The following RAPGEF2 variants were observed in gnomAD, a reference collection of about 807,000 sequenced individuals.
RAPGEF2 encodes Rap guanine nucleotide exchange factor 2, also known as PDZ domain containing guanine nucleotide exchange factor (GEF) 1.
A neutral mutation model predicts 186.7 loss-of-function variants in RAPGEF2; 54 were observed. The ratio of observed to expected loss-of-function variants is 0.29; its 90% CI spans 0.23 to 0.36. RAPGEF2 has a LOEUF of 0.36. RAPGEF2 is among the 10% of genes least tolerant of loss of function. The pLI, the probability that RAPGEF2 is intolerant of heterozygous loss-of-function variation, is 1.00. For synonymous variants in RAPGEF2, 712 were observed against 705.9 expected, an observed-to-expected ratio of 1.01 and a Z score of -0.14; for missense variants, 1,532 against 2,045.0, an observed-to-expected ratio of 0.75 and a Z score of 4.84.
chr4:159,268,138 A>G, intron 7 of RAPGEF2: 1 of 1,613,156 alleles, frequency 6.2e-7, no homozygotes, highest in Non-Finnish European at 8.5e-7. Flanking sequence ...AATTCAGTTC[A>G]GCATATGTTT....
Position 159,341,847 on chromosome 4 carries a change from A to G in RAPGEF2, c.2818A>G (p.Thr940Ala), listed in dbSNP as rs976661003. 1 of 1,613,862 alleles carries G rather than the reference A, an allele frequency of 6.2e-7. No individual in the cohort carries two copies. Among genetic ancestry groups the G allele is most frequent in the East Asian group, 2.2e-5 (1 of 44,840 alleles). Residue 940 changes from threonine (T) to alanine (A), a missense_variant, in exon 20 of 30, where the codon ACA becomes GCA. Physicochemically the swap from Thr to Ala is moderately conservative, Grantham distance 58 (BLOSUM62 0). Transcript: ENST00000691494. ...FWVASEILRE[T>A]NQLKRMKIIK... ...GGTAGCATCTGAAATTCTCAGAGAA[A>G]CAAACCAGCTGAAGAGGATGAAGAT...
In RAPGEF2 at chr4:159,171,465, A is replaced by G. The variant is rs996962014; in HGVS notation, c.70-15177A>G. 2.6e-5 allele frequency among the ~76,000 whole-genome samples: 4 copies of G among 152,162 alleles called. No individual in the cohort carries two copies. The South Asian group carries it at 6.2e-4, about 24-fold the overall frequency. On this transcript the variant is annotated intron_variant, in intron 1 of 29. Coordinates refer to ENST00000691494, the MANE Select transcript of RAPGEF2 (RefSeq NM_001394067.2). ...TGCCAAGCTGGTAAATGGCAGTCAG[A>G]TACTGAACTCAGTCAGTGTTGCTCA...
rs76809001 is a variant in RAPGEF2, at chr4:159,175,681, G to A, written c.70-10961G>A. On this transcript the variant is annotated intron_variant, in intron 1 of 29. Transcript: ENST00000691494. ...ACTTGCGAGACCGGCGACTGCTTTT[G>A]GGTTCTAGGAAGGACGGTTGGTCCA... is the stretch of plus-strand genomic sequence containing the variant. 2.0e-4 allele frequency among the ~76,000 whole-genome samples: 31 copies of A among 152,228 alleles called. No individual in the cohort carries two copies. The East Asian group carries it at 5.6e-3, about 27-fold the overall frequency.
chr4:159,307,018 GA>G (rs1763382084), intron 8 of RAPGEF2, among the ~76,000 whole-genome samples: 3 of 152,266 alleles, frequency 2.0e-5, no homozygotes, highest in Admixed American at 2.0e-4. Flanking sequence ...TTTAGGAAAA[GA>G]GACTGAAATA....
At chr4:159,247,755 C>CTTTTTTT (rs56053207) in intron 7 of RAPGEF2, among the ~76,000 whole-genome samples, 9 of 83,472 alleles carry the variant, frequency 1.1e-4, no homozygotes, top group African/African-American at 4.3e-4. Flanking sequence ...TAATTTGTTT[C>CTTTTTTT]TTTTTTTTTT....
At chr4:159,351,303 T>A in intron 26 of RAPGEF2, 1 of 491,148 alleles carries the variant, frequency 2.0e-6, no homozygotes, top group Non-Finnish European at 2.8e-6. Flanking sequence ...TTTCTGAAAC[T>A]TTTTTTTTTT....
chr4:159,197,873 C>T (rs1748821704), intron 3 of RAPGEF2, among the ~76,000 whole-genome samples: 1 of 152,206 alleles, frequency 6.6e-6, no homozygotes, highest in Non-Finnish European at 1.5e-5. Flanking sequence ...GCATTTACCT[C>T]TTGTCCCACT....
chr4:159,247,414 A>G (rs1754768594), intron 7 of RAPGEF2, among the ~76,000 whole-genome samples: 1 of 152,240 alleles, frequency 6.6e-6, no homozygotes, highest in Non-Finnish European at 1.5e-5. Flanking sequence ...GGCTCAAAGA[A>G]AGATATTTTG....
chr4:159,339,784 C>T (rs985557845), intron 19 of RAPGEF2, among the ~76,000 whole-genome samples: 22 of 152,084 alleles, frequency 1.4e-4, no homozygotes, highest in African/African-American at 4.6e-4. Flanking sequence ...TCCTGCATAC[C>T]CAACTTTTCT....
intron 7 of RAPGEF2, among the ~76,000 whole-genome samples, chr4:159,261,276 A>C (rs1056448813): frequency 1.3e-5 from 2 of 150,606 alleles, no homozygotes; most frequent in Admixed American, 6.6e-5. Context: ...GTTAGCCAGG[A>C]TGGTCTCCAT....
At chr4:159,191,793 G>C (rs901797863) in intron 2 of RAPGEF2, among the ~76,000 whole-genome samples, 10 of 152,240 alleles carry the variant, frequency 6.6e-5, no homozygotes, top group Admixed American at 6.5e-4. Context: ...AAGATTTTCT[G>C]TGATGGGAAA....
At chr4:159,295,746 TGTGTGTGTGCGCGCGCGCGCGCGC>T (rs1195004006) in intron 7 of RAPGEF2, among the ~76,000 whole-genome samples, 1 of 125,568 alleles carries the variant, frequency 8.0e-6, no homozygotes, top group Non-Finnish European at 1.7e-5. Flanking sequence ...TGTGTGTGTG[TGTGTGTGTGCGCGCGCGCGCGCGC>T]GCGCATGCAC....
intron 1 of RAPGEF2, among the ~76,000 whole-genome samples, chr4:159,158,468 C>A (rs1744354714): frequency 6.6e-6 from 1 of 152,164 alleles, no homozygotes; most frequent in South Asian, 2.1e-4. Context: ...GTTGAGAGCA[C>A]TTGTAAGGTT....
intron 3 of RAPGEF2, among the ~76,000 whole-genome samples, chr4:159,201,011 CT>C (rs1217647483): frequency 1.3e-5 from 2 of 152,142 alleles, no homozygotes; most frequent in Non-Finnish European, 2.9e-5. Context: ...GTTAGTCCTC[CT>C]TCTAAAATTT....
intron 4 of RAPGEF2, among the ~76,000 whole-genome samples, chr4:159,217,142 GT>G (rs1018253335): frequency 6.6e-5 from 10 of 152,130 alleles, no homozygotes; most frequent in African/African-American, 2.4e-4. Flanking sequence ...AAATTTACTT[GT>G]TTGTTTTCAA....
chr4:159,317,223 A>G (rs1297084577), intron 9 of RAPGEF2, among the ~76,000 whole-genome samples: 1 of 152,226 alleles, frequency 6.6e-6, no homozygotes, highest in Non-Finnish European at 1.5e-5. Flanking sequence ...ATTTAATTGA[A>G]GTAATTTATG....
Position 159,243,538 on chromosome 4 carries a change from G to A in RAPGEF2, c.526-236G>A, listed in dbSNP as rs575538652. ...AATAGTGAAGGACTGAGGGTGAAAA[G>A]TTTATTTAAAAGAATTGCATGATCA... On this transcript the variant is annotated intron_variant, in intron 6 of 29. Coordinates refer to ENST00000691494, the MANE Select transcript of RAPGEF2 (RefSeq NM_001394067.2). 5.9e-5 allele frequency among the ~76,000 whole-genome samples: 9 copies of A among 152,058 alleles called. No individual in the cohort carries two copies. In the South Asian group the frequency reaches 1.9e-3, roughly 32 times the overall value.
intron 9 of RAPGEF2, among the ~76,000 whole-genome samples, chr4:159,320,264 T>G (rs774358887): frequency 2.6e-5 from 4 of 152,134 alleles, no homozygotes; most frequent in Admixed American, 1.3e-4. Context: ...AATGCATTGG[T>G]AAAACAATGA....
intron 1 of RAPGEF2, among the ~76,000 whole-genome samples, chr4:159,109,309 T>C (rs1269119569): frequency 6.6e-6 from 1 of 152,092 alleles, no homozygotes; most frequent in Non-Finnish European, 1.5e-5. Flanking sequence ...CTGGGCATCA[T>C]AGCAAGGCCC....
Sources: allele counts gnomAD v4.1 joint callset (sites outside exome capture counted in the v4.1 genomes callset), GRCh38; gene constraint gnomAD v4.1.1; transcripts MANE v1.5; gene names NCBI Gene and HGNC (gene_info 2026-07-23, HGNC 2026-07-21).